SMARCA2: variants seen among roughly 807,000 people sequenced by gnomAD.
SMARCA2 encodes the protein SWI/SNF-related matrix-associated actin-dependent regulator of chromatin subfamily A member 2.
In SMARCA2, 61 loss-of-function variants were observed where a neutral mutation model predicts 199.8. The ratio of observed to expected loss-of-function variants is 0.31; its 90% confidence interval spans 0.25 to 0.38. SMARCA2 has a LOEUF of 0.38. SMARCA2 is among the 10% of genes least tolerant of loss of function. The pLI is 1.00. For synonymous variants in SMARCA2, 935 were observed against 732.0 expected (o/e 1.28, Z -4.48); for missense variants, 1,344 against 2,012.2 (o/e 0.67, Z 6.35).
intron 24 of SMARCA2, among the ~76,000 whole-genome samples, chr9:2,114,455 C>T (rs1012494184): frequency 7.9e-5 from 12 of 152,160 alleles, no homozygotes; most frequent in African/African-American, 2.9e-4. Context: ...GTCAAGAAGA[C>T]GGGTTTACAG....
At chr9:2,172,923 A>G (rs1826336168) in intron 29 of SMARCA2, among the ~76,000 whole-genome samples, 1 of 152,224 alleles carries the variant, frequency 6.6e-6, no homozygotes, top group South Asian at 2.1e-4. Context: ...GGATGGATCG[A>G]AGGAGGCATA....
intron 27 of SMARCA2, among the ~76,000 whole-genome samples, chr9:2,147,673 C>G (rs1401657790): frequency 2.0e-5 from 3 of 151,938 alleles, no homozygotes; most frequent in South Asian, 2.1e-4. Context: ...CGGCAAAACC[C>G]TGTCTCTACT....
intron 9 of SMARCA2, among the ~76,000 whole-genome samples, chr9:2,064,604 G>C (rs1417458852): frequency 6.6e-6 from 1 of 151,950 alleles, no homozygotes; most frequent in Non-Finnish European, 1.5e-5. Flanking sequence ...TTTTTTTCTA[G>C]TTGGAAATCA....
chr9:2,020,404 G>A (rs1818549053), intron 1 of SMARCA2, among the ~76,000 whole-genome samples: 2 of 152,088 alleles, frequency 1.3e-5, no homozygotes, highest in South Asian at 4.1e-4. Flanking sequence ...GCTAAGTAGT[G>A]AATAGAAAAT....
intron 33 of SMARCA2, chr9:2,192,323 C>T (rs1253796765): frequency 4.3e-6 from 1 of 234,144 alleles, no homozygotes. Flanking sequence ...CAGCCTTAAC[C>T]CTTGATGCAA....
At chr9:2,183,670 C>T (rs1041974303) in intron 31 of SMARCA2, among the ~76,000 whole-genome samples, 1 of 152,186 alleles carries the variant, frequency 6.6e-6, no homozygotes, top group African/African-American at 2.4e-5. Context: ...GTGCCTTGAA[C>T]AGACTTAAAC....
At chr9:2,144,073 G>T (rs891821075) in intron 27 of SMARCA2, among the ~76,000 whole-genome samples, 5 of 149,726 alleles carry the variant, frequency 3.3e-5, no homozygotes, top group South Asian at 2.1e-4. Flanking sequence ...CGGGAGATGG[G>T]GGGGGATGTA....
intron 1 of SMARCA2, among the ~76,000 whole-genome samples, chr9:2,023,843 G>T (rs1287878203): frequency 6.6e-6 from 1 of 152,204 alleles, no homozygotes; most frequent in Non-Finnish European, 1.5e-5. Flanking sequence ...ACAAGAGGCA[G>T]CCCTTCAGGT....
chr9:2,066,800 C>T (rs535652194), intron 9 of SMARCA2, among the ~76,000 whole-genome samples: 10 of 152,268 alleles, frequency 6.6e-5, no homozygotes, highest in Non-Finnish European at 1.2e-4. Flanking sequence ...TGGCAGGAGA[C>T]GCTGTAGCAG....
At chr9:2,067,306 T>A (rs1586667838) in intron 9 of SMARCA2, among the ~76,000 whole-genome samples, 1 of 152,354 alleles carries the variant, frequency 6.6e-6, no homozygotes, top group East Asian at 1.9e-4. Flanking sequence ...ATTCCTTCAA[T>A]CACCAAATAT....
chr9:2,172,103 C>T (rs10965085), intron 29 of SMARCA2, among the ~76,000 whole-genome samples: 69,734 of 151,970 alleles, frequency 0.46, 16,411 homozygotes, highest in Admixed American at 0.54. Flanking sequence ...CACACACTTC[C>T]TTTTCCCATA....
chr9:2,130,175 A>G (rs1242884791), intron 27 of SMARCA2, among the ~76,000 whole-genome samples: 1 of 152,172 alleles, frequency 6.6e-6, no homozygotes, highest in Admixed American at 6.5e-5. Context: ...TTATTATATA[A>G]TAGGTAGTAA....
At chr9:2,113,094 TG>T (rs1823073987) in intron 24 of SMARCA2, among the ~76,000 whole-genome samples, 1 of 152,212 alleles carries the variant, frequency 6.6e-6, no homozygotes, top group South Asian at 2.1e-4. Flanking sequence ...AATTTTAGCA[TG>T]CATTGAAGAA....
rs1396718672 is a variant in SMARCA2 at position 2,170,499 on chromosome 9, T to C, written c.4253+27T>C. The C allele has an allele frequency of 6.2e-6, 10 of 1,613,790 alleles. No homozygotes were observed. Among genetic ancestry groups the C allele is most frequent in the Admixed American group, 3.3e-5 (2 of 59,970 alleles). Reference sequence around the variant, plus strand: ...TCAGGATCTGTCTTGTATTCCCCTATCTCTAAATACAGGTATCCCTCGTTA... The same window carrying C: ...TCAGGATCTGTCTTGTATTCCCCTACCTCTAAATACAGGTATCCCTCGTTA... On this transcript the variant is annotated intron_variant, in intron 29 of 33. Transcript: ENST00000349721. The surrounding 1 kb of genome is among the most constrained non-coding windows in gnomAD (Gnocchi z 4.7).
rs140965255 is a variant in SMARCA2 at position 2,086,653 on chromosome 9, T to C, written c.2527-176T>C. 2.7e-4 allele frequency among the ~76,000 whole-genome samples: 41 copies of C among 152,298 alleles called. No individual in the cohort carries two copies. The East Asian group carries it at 6.9e-3, about 26-fold the overall frequency. On this transcript the variant is annotated intron_variant, in intron 17 of 33. Transcript: ENST00000349721. This position sits in a 1 kb window ranked among gnomAD's most constrained non-coding sequence, Gnocchi z 4.3. ...TTTAACATTCTATTATTATAGGATG[T>C]CTTATGCGGCCTATCAGGCATGAGA...
chr9:2,074,498 T>A (rs990455076), intron 12 of SMARCA2, among the ~76,000 whole-genome samples: 1 of 152,192 alleles, frequency 6.6e-6, no homozygotes, highest in African/African-American at 2.4e-5. Flanking sequence ...TCCAAATTAG[T>A]CTTCCATGAG....
At chr9:2,158,817 T>C in intron 27 of SMARCA2, 1 of 781,180 alleles carries the variant, frequency 1.3e-6, no homozygotes, top group Non-Finnish European at 1.9e-6. Context: ...CGAAAAGCAT[T>C]GGGAAGTGTT....
chr9:2,125,488 C>G (rs1030284034), intron 27 of SMARCA2, among the ~76,000 whole-genome samples: 2 of 143,654 alleles, frequency 1.4e-5, no homozygotes, highest in African/African-American at 5.5e-5. Context: ...TCTGGGCCAA[C>G]CTTTTTTTTT....
At chr9:2,182,817 G>C (rs575557290) in intron 31 of SMARCA2, among the ~76,000 whole-genome samples, 1 of 134,796 alleles carries the variant, frequency 7.4e-6, no homozygotes, top group Non-Finnish European at 1.6e-5. Flanking sequence ...TTTTTTTTTC[G>C]AGATGGAGTC....
Sources: allele counts gnomAD v4.1 joint callset (sites outside exome capture counted in the v4.1 genomes callset), GRCh38; gene constraint gnomAD v4.1.1; non-coding constraint Gnocchi (gnomAD v3.1); transcripts MANE v1.5; gene names NCBI Gene and HGNC (gene_info 2026-07-23, HGNC 2026-07-21).